ARMC2: variants seen among roughly 807,000 people sequenced by gnomAD.
ARMC2 encodes armadillo repeat containing 2.
A neutral mutation model predicts 90.3 loss-of-function variants in ARMC2; 67 were observed. That is an observed-to-expected ratio of 0.74 (90% CI 0.61 to 0.91). The LOEUF (loss-of-function observed/expected upper bound fraction) is 0.91. Ranked by LOEUF, ARMC2 falls within the 40% of genes least tolerant of loss-of-function variation. The probability of loss-of-function intolerance (pLI) is 0.00; values close to 1 mark genes in which losing one functional copy is unlikely to be tolerated. For missense variants in ARMC2, 920 were observed against 1,030.9 expected (o/e 0.89, Z 1.47); for synonymous variants, 393 against 393.0 (o/e 1.00, Z 0.00).
chr6:108,924,854 A>C (rs1774960141), intron 10 of ARMC2, among the ~76,000 whole-genome samples: 1 of 152,096 alleles, frequency 6.6e-6, no homozygotes, highest in Non-Finnish European at 1.5e-5. Flanking sequence ...GGGGCTGTAG[A>C]GTTTGGGTAA....
chr6:108,939,080 A>G (rs1776223412), intron 12 of ARMC2, among the ~76,000 whole-genome samples: 1 of 152,134 alleles, frequency 6.6e-6, no homozygotes, highest in Non-Finnish European at 1.5e-5. Context: ...CAGCCTCCCA[A>G]AGTGCTGGGA....
chr6:108,943,163 A>T (rs1008457068), intron 12 of ARMC2, among the ~76,000 whole-genome samples: 5 of 152,192 alleles, frequency 3.3e-5, no homozygotes, highest in Non-Finnish European at 5.9e-5. Flanking sequence ...ACATGAGAAG[A>T]TACCAAAAGT....
the ARMC2 span, among the ~76,000 whole-genome samples, chr6:109,034,746 G>C: frequency 6.6e-6 from 1 of 152,186 alleles, no homozygotes; most frequent in Non-Finnish European, 1.5e-5. Context: ...TAAATTCTTC[G>C]TCTGTCTGAA....
intron 7 of ARMC2, among the ~76,000 whole-genome samples, chr6:108,902,992 AC>A (rs1186348865): frequency 6.6e-6 from 1 of 152,022 alleles, no homozygotes; most frequent in South Asian, 2.1e-4. Context: ...AAATGGCAAA[AC>A]CCCATCTCTA....
downstream of ARMC2, among the ~76,000 whole-genome samples, chr6:108,977,807 T>A (rs975598141): frequency 1.3e-5 from 2 of 152,184 alleles, no homozygotes; most frequent in African/African-American, 4.8e-5. Flanking sequence ...TAGTATTCTG[T>A]GATGGTAGTT....
intron 8 of ARMC2, among the ~76,000 whole-genome samples, chr6:108,908,315 G>T (rs745803181): frequency 6.6e-6 from 1 of 152,192 alleles, no homozygotes; most frequent in Non-Finnish European, 1.5e-5. Flanking sequence ...TGCCCCACAG[G>T]CAGTGCTCCC....
intron 5 of ARMC2, among the ~76,000 whole-genome samples, chr6:108,886,295 C>T (rs191819835): frequency 6.6e-6 from 1 of 152,312 alleles, no homozygotes; most frequent in East Asian, 1.9e-4. Flanking sequence ...CGGTGGCTCA[C>T]GCCTGTAATC....
At chr6:108,983,853 T>A in the ARMC2 span, among the ~76,000 whole-genome samples, 1 of 152,172 alleles carries the variant, frequency 6.6e-6, no homozygotes, top group Non-Finnish European at 1.5e-5. Flanking sequence ...GTCTTTCCAT[T>A]TATTTGTGTC....
chr6:109,038,506 A>G, the ARMC2 span, among the ~76,000 whole-genome samples: 2 of 152,206 alleles, frequency 1.3e-5, no homozygotes, highest in Non-Finnish European at 2.9e-5. Flanking sequence ...CTCAAAAAAC[A>G]AAAAACAACA....
intron 2 of ARMC2, among the ~76,000 whole-genome samples, chr6:108,857,509 G>A (rs750106628): frequency 7.2e-5 from 11 of 151,988 alleles, no homozygotes; most frequent in Non-Finnish European, 1.0e-4. Context: ...TCTTTTTCTT[G>A]TCTTATTGCA....
the ARMC2 span, among the ~76,000 whole-genome samples, chr6:109,052,336 C>T: frequency 1.3e-5 from 2 of 152,166 alleles, no homozygotes; most frequent in Non-Finnish European, 2.9e-5. Context: ...CAATGTTTTA[C>T]TGTAAAAGTG....
At chr6:109,046,173 C>G in the ARMC2 span, among the ~76,000 whole-genome samples, 1 of 151,176 alleles carries the variant, frequency 6.6e-6, no homozygotes, top group Non-Finnish European at 1.5e-5. Context: ...GCTGCCATCT[C>G]GGCTCACTGC....
At chr6:109,006,244 A>G in the ARMC2 span, among the ~76,000 whole-genome samples, 1 of 152,202 alleles carries the variant, frequency 6.6e-6, no homozygotes, top group Non-Finnish European at 1.5e-5. Context: ...TAATCTATGA[A>G]GCAGGTACTA....
At chr6:109,004,803 A>C in the ARMC2 span, among the ~76,000 whole-genome samples, 1 of 152,206 alleles carries the variant, frequency 6.6e-6, no homozygotes, top group African/African-American at 2.4e-5. Context: ...AAAATGCTTG[A>C]CACTCAAAAC....
At chr6:108,852,575 A>G (rs531182823) in intron 1 of ARMC2, among the ~76,000 whole-genome samples, 1 of 152,334 alleles carries the variant, frequency 6.6e-6, no homozygotes, top group African/African-American at 2.4e-5. Flanking sequence ...CTGAAAGAGT[A>G]TAGTTTTTAA....
chr6:108,877,233 ATCAAGTATTTCTTACAC>A (rs1245705010), intron 5 of ARMC2, among the ~76,000 whole-genome samples: 1 of 152,228 alleles, frequency 6.6e-6, no homozygotes, highest in Non-Finnish European at 1.5e-5. Flanking sequence ...CCATTTTAAG[ATCAAGTATTTCTTACAC>A]TCACGTTAGA....
intron 3 of ARMC2, 23 bp downstream of exon 3, chr6:108,858,294 A>T: frequency 6.4e-7 from 1 of 1,555,818 alleles, no homozygotes; most frequent in Non-Finnish European, 8.8e-7. Context: ...TATAACCACC[A>T]GTAATTTATA....
downstream of ARMC2, among the ~76,000 whole-genome samples, chr6:108,977,064 C>T (rs1778996160): frequency 6.6e-6 from 1 of 152,206 alleles, no homozygotes; most frequent in Admixed American, 6.5e-5. Flanking sequence ...TGAGAGAGGA[C>T]ATCCTTGTCT....
intron 13 of ARMC2, among the ~76,000 whole-genome samples, chr6:108,953,819 C>T (rs188645138): frequency 6.6e-6 from 1 of 152,230 alleles, no homozygotes; most frequent in East Asian, 1.9e-4. Flanking sequence ...TTACAGTCTC[C>T]AGTCATTCAA....
Sources: allele counts gnomAD v4.1 joint callset (sites outside exome capture counted in the v4.1 genomes callset), GRCh38; gene constraint gnomAD v4.1.1; transcripts MANE v1.5; gene names NCBI Gene and HGNC (gene_info 2026-07-23, HGNC 2026-07-21).